The following GRID1 variants were observed in gnomAD, a reference collection of about 807,000 sequenced individuals.
GRID1 encodes glutamate ionotropic receptor delta type subunit 1.
A neutral mutation model predicts 98.0 loss-of-function variants in GRID1; 28 were observed. That is an observed-to-expected ratio of 0.29 (90% CI 0.21 to 0.39). The LOEUF is 0.39. GRID1 is among the 10% of genes least tolerant of loss of function. GRID1 has a pLI of 1.00. For synonymous variants in GRID1, 553 were observed against 538.5 expected (o/e 1.03, Z -0.37); for missense variants, 1,111 against 1,340.5 (o/e 0.83, Z 2.67).
At chr10:85,686,098 G>A (rs574328913) in intron 12 of GRID1, among the ~76,000 whole-genome samples, 2 of 152,178 alleles carry the variant, frequency 1.3e-5, no homozygotes, top group Admixed American at 1.3e-4. Flanking sequence ...ATGCTTCAAG[G>A]AAGTTCTGGA....
chr10:86,072,227 T>C (rs943277888), intron 4 of GRID1, among the ~76,000 whole-genome samples: 1 of 152,174 alleles, frequency 6.6e-6, no homozygotes, highest in East Asian at 1.9e-4. Context: ...CAACAATCCA[T>C]ACCTCAGTCA....
chr10:86,223,359 C>A (rs1846288326), intron 2 of GRID1, among the ~76,000 whole-genome samples: 1 of 152,218 alleles, frequency 6.6e-6, no homozygotes, highest in Non-Finnish European at 1.5e-5. Flanking sequence ...GGACACACAC[C>A]AGAGAAGGAA....
intron 2 of GRID1, among the ~76,000 whole-genome samples, chr10:86,343,161 C>A (rs188053229): frequency 2.6e-4 from 40 of 152,210 alleles, no homozygotes; most frequent in African/African-American, 9.2e-4. Context: ...GGGTTTTCTG[C>A]AGAGGGTTAT....
At chr10:86,348,697 A>G (rs1325801655) in intron 2 of GRID1, among the ~76,000 whole-genome samples, 1 of 152,250 alleles carries the variant, frequency 6.6e-6, no homozygotes, top group Non-Finnish European at 1.5e-5. Flanking sequence ...GTCCCAGGGC[A>G]AGGCCAAGGC....
chr10:86,276,023 A>G (rs575570679), intron 2 of GRID1, among the ~76,000 whole-genome samples: 1 of 152,354 alleles, frequency 6.6e-6, no homozygotes, highest in African/African-American at 2.4e-5. Flanking sequence ...TCTTAAAGGC[A>G]TAAAGAAAGA....
At chr10:86,143,231 CT>C (rs1845034305) in intron 3 of GRID1, among the ~76,000 whole-genome samples, 1 of 152,208 alleles carries the variant, frequency 6.6e-6, no homozygotes, top group African/African-American at 2.4e-5. Flanking sequence ...TCCAGCTGCA[CT>C]TGGGGTGGGG....
intron 2 of GRID1, among the ~76,000 whole-genome samples, chr10:86,259,175 G>C (rs1226491946): frequency 2.6e-5 from 4 of 152,246 alleles, no homozygotes; most frequent in Non-Finnish European, 5.9e-5. Context: ...ATAAGAACAT[G>C]AAGCTGTTTC....
chr10:85,926,902 G>T (rs1022716668), intron 4 of GRID1, among the ~76,000 whole-genome samples: 2 of 152,230 alleles, frequency 1.3e-5, no homozygotes, highest in Non-Finnish European at 2.9e-5. Context: ...TCATGGATAT[G>T]AAATGGTACA....
At position 86,206,664 on chromosome 10, in the gene GRID1, A is replaced by G; in HGVS notation, c.236-16T>C. 6.2e-7 allele frequency: 1 copy of G among 1,603,786 alleles called. No individual in the cohort carries two copies. Among genetic ancestry groups the G allele is most frequent in the South Asian group, 1.1e-5 (1 of 90,500 alleles). ...AGGTCACAGGCTAGAAAGAGAGAAG[A>G]GAGAGAGGAAGGGGTCAGCATCAGG... On this transcript the variant is annotated splice_polypyrimidine_tract_variant and intron_variant, in intron 2 of 15. Transcript: ENST00000327946. The surrounding 1 kb of genome is among the most constrained non-coding windows in gnomAD (Gnocchi z 4.1).
chr10:86,271,242 C>T (rs1224874877), intron 2 of GRID1, among the ~76,000 whole-genome samples: 1 of 152,230 alleles, frequency 6.6e-6, no homozygotes, highest in African/African-American at 2.4e-5. Flanking sequence ...AAAGGTCCTG[C>T]CTCAGTAGTA....
At chr10:86,332,860 C>G (rs776078166) in intron 2 of GRID1, among the ~76,000 whole-genome samples, 27 of 152,144 alleles carry the variant, frequency 1.8e-4, no homozygotes, top group Non-Finnish European at 3.5e-4. Flanking sequence ...TCCCTCACTC[C>G]AATACCCAGA....
chr10:86,220,625 C>T (rs879525831), intron 2 of GRID1, among the ~76,000 whole-genome samples: 2 of 152,210 alleles, frequency 1.3e-5, no homozygotes, highest in Admixed American at 1.3e-4. Context: ...CTCTGCTCAT[C>T]GGTGCCATCT....
intron 12 of GRID1, among the ~76,000 whole-genome samples, chr10:85,648,497 A>G (rs1345118923): frequency 6.6e-6 from 1 of 151,964 alleles, no homozygotes; most frequent in Non-Finnish European, 1.5e-5. Context: ...AACAACCCAC[A>G]TCATCATCCC....
chr10:85,795,384 T>C (rs1393591289), intron 8 of GRID1, among the ~76,000 whole-genome samples: 1 of 152,174 alleles, frequency 6.6e-6, no homozygotes, highest in Admixed American at 6.5e-5. Flanking sequence ...ATGTCAGTCT[T>C]ACAAGACGCA....
rs11201969 is a variant in GRID1 at position 86,298,436 on chromosome 10, G to A, written c.235+65505C>T. Among the ~76,000 whole-genome samples the A allele has an allele frequency of 5.5e-3, 831 of 152,218 alleles. 9 individuals carry two copies. Among genetic ancestry groups the A allele is most frequent in the African/African-American group, 0.019 (790 of 41,534 alleles). On this transcript the variant is annotated intron_variant, in intron 2 of 15. Coordinates refer to ENST00000327946, the MANE Select transcript of GRID1 (RefSeq NM_017551.3). Reference sequence around the variant, plus strand: ...GTATTACATAAAAACTCAGACAAAGGAGTCTCTTTAGCTATAAGGTCAGCC... The same window carrying A: ...GTATTACATAAAAACTCAGACAAAGAAGTCTCTTTAGCTATAAGGTCAGCC...
At chr10:86,045,361 G>T (rs1056550384) in intron 4 of GRID1, among the ~76,000 whole-genome samples, 5 of 152,222 alleles carry the variant, frequency 3.3e-5, no homozygotes, top group Non-Finnish European at 7.3e-5. Context: ...ATCTACACAT[G>T]CTGGAGCAGT....
At chr10:86,163,100 G>A (rs1164086337) in intron 3 of GRID1, among the ~76,000 whole-genome samples, 2 of 152,188 alleles carry the variant, frequency 1.3e-5, no homozygotes, top group Admixed American at 6.5e-5. Flanking sequence ...GGCAGGGAGC[G>A]GGAGTGACTC....
At chr10:85,781,728 C>G (rs1426495179) in intron 8 of GRID1, among the ~76,000 whole-genome samples, 1 of 150,782 alleles carries the variant, frequency 6.6e-6, no homozygotes, top group African/African-American at 2.4e-5. Context: ...ACACAGAGGA[C>G]AGTGTTATAT....
chr10:85,830,162 G>A (rs1357749498), intron 8 of GRID1, among the ~76,000 whole-genome samples: 2 of 151,952 alleles, frequency 1.3e-5, no homozygotes, highest in African/African-American at 4.8e-5. Context: ...CCATACACCT[G>A]CAACTATCTG....
Sources: gnomAD v4.1 joint callset for allele counts (sites outside exome capture counted in the v4.1 genomes callset) on GRCh38, gnomAD v4.1.1 for gene constraint, Gnocchi (gnomAD v3.1) non-coding constraint, MANE v1.5 for transcripts, NCBI Gene and HGNC (gene_info 2026-07-23, HGNC 2026-07-21) for gene names.